The following TSPAN5 variants were observed in gnomAD, a reference collection of about 807,000 sequenced individuals.
The protein encoded by TSPAN5 is tetraspanin-5.
TSPAN5 carries 10 observed loss-of-function variants against 37.1 expected under a neutral mutation model. The ratio of observed to expected loss-of-function variants is 0.27; its 90% confidence interval spans 0.17 to 0.46. The LOEUF (loss-of-function observed/expected upper bound fraction) is 0.46. TSPAN5 is among the 20% of genes least tolerant of loss of function. The pLI is 1.00. For missense variants in TSPAN5, 195 were observed against 326.6 expected, an observed-to-expected ratio of 0.60 and a Z score of 3.11; for synonymous variants, 110 against 118.9, an observed-to-expected ratio of 0.93 and a Z score of 0.48.
chr4:98,591,959 G>C (rs1044942390), intron 1 of TSPAN5, among the ~76,000 whole-genome samples: 1 of 151,292 alleles, frequency 6.6e-6, no homozygotes, highest in Non-Finnish European at 1.5e-5. Context: ...CTTATTTAAA[G>C]ATTTATTATA....
intron 2 of TSPAN5, among the ~76,000 whole-genome samples, chr4:98,503,436 A>G (rs1186881877): frequency 6.6e-6 from 1 of 152,106 alleles, no homozygotes; most frequent in East Asian, 1.9e-4. Context: ...TTAGCCTGGA[A>G]ACTCAGAAGG....
intron 1 of TSPAN5, among the ~76,000 whole-genome samples, chr4:98,537,347 T>A (rs749645059): frequency 1.3e-5 from 2 of 152,150 alleles, no homozygotes; most frequent in Non-Finnish European, 2.9e-5. Flanking sequence ...CCCAGTGAGA[T>A]GAACCGGGCA....
intron 1 of TSPAN5, among the ~76,000 whole-genome samples, chr4:98,643,835 T>C (rs1015330290): frequency 9.9e-5 from 15 of 152,210 alleles, no homozygotes; most frequent in South Asian, 8.3e-4. Context: ...CTATTTTCCC[T>C]AGGATTCCAG....
At chr4:98,541,253 A>G (rs1754350655) in intron 1 of TSPAN5, among the ~76,000 whole-genome samples, 1 of 152,216 alleles carries the variant, frequency 6.6e-6, no homozygotes, top group Admixed American at 6.5e-5. Context: ...TGTGGATTTG[A>G]TAACACTAAG....
intron 1 of TSPAN5, among the ~76,000 whole-genome samples, chr4:98,570,872 G>T (rs879923130): frequency 6.6e-6 from 1 of 151,850 alleles, no homozygotes; most frequent in Non-Finnish European, 1.5e-5. Context: ...TCTGAGCAAC[G>T]CGTGCTGGGG....
chr4:98,533,548 T>TTTTTTTTTTTTTTTTTTTTTTTTC, intron 1 of TSPAN5, among the ~76,000 whole-genome samples: 1 of 98,524 alleles, frequency 1.0e-5, no homozygotes, highest in African/African-American at 4.2e-5. Context: ...TATATCTTTT[T>TTTTTTTTTTTTTTTTTTTTTTTTC]TTTTTTTTTT....
At chr4:98,482,342 CAAGA>C (rs1752858928) in intron 3 of TSPAN5, 167 bp from the exon 4 acceptor site, 1 of 559,776 alleles carries the variant, frequency 1.8e-6, no homozygotes, top group Non-Finnish European at 3.0e-6. Context: ...TATTACACTC[CAAGA>C]AAGGACTTTT....
At chr4:98,529,543 T>C (rs555648045) in intron 1 of TSPAN5, among the ~76,000 whole-genome samples, 7 of 152,332 alleles carry the variant, frequency 4.6e-5, no homozygotes, top group Admixed American at 1.3e-4. Flanking sequence ...GTAAACACCA[T>C]ATCGTCACTT....
rs537001212 is a variant in TSPAN5, at chr4:98,537,200, G to A, written c.82-29472C>T. On this transcript the variant is annotated intron_variant, in intron 1 of 7. Transcript: ENST00000305798. The stretch of plus-strand genomic sequence containing the variant: ...GAACAAGCGCAGTATCTATGCCGGA[G>A]TTCCTCAGGCTCAGTCCCTCACGGC... Among the ~76,000 whole-genome samples the A allele has an allele frequency of 2.2e-3, 329 of 152,308 alleles. 1 individual carries two copies. Among genetic ancestry groups the A allele is most frequent in the Middle Eastern group, 0.01 (3 of 294 alleles).
intron 1 of TSPAN5, among the ~76,000 whole-genome samples, chr4:98,520,775 T>C (rs1753835748): frequency 6.6e-6 from 1 of 152,082 alleles, no homozygotes; most frequent in Admixed American, 6.5e-5. Flanking sequence ...TTTCTTAAAA[T>C]AACAGAGATA....
chr4:98,481,438 G>A (rs185850940), intron 4 of TSPAN5, among the ~76,000 whole-genome samples: 73 of 152,252 alleles, frequency 4.8e-4, no homozygotes, highest in Admixed American at 2.0e-3. Flanking sequence ...TCAGGGATAG[G>A]AGAGAGTGGC....
At chr4:98,588,875 T>G (rs2110204730) in intron 1 of TSPAN5, among the ~76,000 whole-genome samples, 1 of 152,358 alleles carries the variant, frequency 6.6e-6, no homozygotes, top group South Asian at 2.1e-4. Context: ...GCTTTGTTTT[T>G]TAAGGTGTCT....
At chr4:98,541,674 CAA>C (rs746840547) in intron 1 of TSPAN5, among the ~76,000 whole-genome samples, 3,113 of 104,076 alleles carry the variant, frequency 0.03, 27 homozygotes, top group East Asian at 0.061. Flanking sequence ...GACTCTGTCT[CAA>C]AAAAAAAAAA....
Position 98,472,234 on chromosome 4 carries a change from C to A in TSPAN5, c.*288G>T. On this transcript the variant is annotated 3_prime_UTR_variant, in exon 8 of 8. Transcript: ENST00000305798. Reference sequence around the variant, plus strand: ...TCTGCACATTCAAGTACATCTGGGTCCCCTACCCTCCCTTTTTTTCTTTTT... The same window carrying A: ...TCTGCACATTCAAGTACATCTGGGTACCCTACCCTCCCTTTTTTTCTTTTT... The A allele has an allele frequency of 3.2e-6, 1 of 316,042 alleles. No homozygotes were observed. The highest frequency in any genetic ancestry group is 5.8e-6 in the Non-Finnish European group (1 of 173,314). 19.6% of individuals were successfully genotyped at this position (316,042 alleles called of 1,614,324 possible). A position where few individuals can be genotyped will look rare whatever the true frequency, so the allele number is the denominator to read the frequency against.
chr4:98,492,639 G>A (rs991041733), intron 2 of TSPAN5, among the ~76,000 whole-genome samples: 4 of 152,186 alleles, frequency 2.6e-5, no homozygotes, highest in Admixed American at 2.6e-4. Context: ...GGAGCAAAGG[G>A]ATGTGCCAGG....
chr4:98,485,915 G>T (rs1254479007), intron 3 of TSPAN5, among the ~76,000 whole-genome samples: 2 of 151,860 alleles, frequency 1.3e-5, no homozygotes, highest in East Asian at 3.9e-4. Flanking sequence ...AATGAAGGTG[G>T]GTGCTTTGGA....
intron 1 of TSPAN5, among the ~76,000 whole-genome samples, chr4:98,549,981 A>G (rs1317097791): frequency 6.6e-6 from 1 of 151,876 alleles, no homozygotes; most frequent in Non-Finnish European, 1.5e-5. Flanking sequence ...TGTCCAGAAG[A>G]GTTTTTCCTA....
At chr4:98,512,673 G>A (rs572111005) in intron 1 of TSPAN5, among the ~76,000 whole-genome samples, 1 of 152,198 alleles carries the variant, frequency 6.6e-6, no homozygotes, top group Non-Finnish European at 1.5e-5. Context: ...TTTCTTCCTT[G>A]CTGAACCTCC....
In TSPAN5 at chr4:98,471,604, T is replaced by C. The variant is rs763957829; in HGVS notation, c.*918A>G. The C allele has an allele frequency of 2.0e-5, 3 of 152,168 alleles. No homozygotes were observed. Among genetic ancestry groups the C allele is most frequent in the Non-Finnish European group, 2.9e-5 (2 of 68,020 alleles). The allele number at this position is 152,168 out of a possible 1,614,324, so 9.4% of individuals were successfully genotyped here. ...ATGCTTGAGCTGAGTAAGAAAACAC[T>C]AAAATTTAAGTGGAACTGTATCATA... On this transcript the variant is annotated 3_prime_UTR_variant, in exon 8 of 8. Coordinates refer to ENST00000305798, the MANE Select transcript of TSPAN5 (RefSeq NM_005723.4).
Sources: gnomAD v4.1 joint callset for allele counts (sites outside exome capture counted in the v4.1 genomes callset) on GRCh38, gnomAD v4.1.1 for gene constraint, MANE v1.5 for transcripts, NCBI Gene and HGNC (gene_info 2026-07-23, HGNC 2026-07-21) for gene names.